GPHN: variants seen among roughly 807,000 people sequenced by gnomAD.
GPHN encodes gephyrin.
A neutral mutation model predicts 95.5 loss-of-function variants in GPHN; 17 were observed. The ratio of observed to expected loss-of-function variants is 0.18; its 90% CI spans 0.12 to 0.27. The LOEUF (loss-of-function observed/expected upper bound fraction) is 0.27, where lower values mean the gene tolerates loss of function less well. GPHN is among the 10% of genes least tolerant of loss of function. The pLI is 1.00. For missense variants in GPHN, 660 were observed against 978.1 expected, an observed-to-expected ratio of 0.67 and a Z score of 4.34; for synonymous variants, 320 against 322.5, an observed-to-expected ratio of 0.99 and a Z score of 0.08.
chr14:67,343,966 C>T, the GPHN span, among the ~76,000 whole-genome samples: 1 of 152,182 alleles, frequency 6.6e-6, no homozygotes, highest in East Asian at 1.9e-4. Flanking sequence ...AATTAACCTG[C>T]CTGGGCAGAT....
chr14:67,392,569 C>CT, the GPHN span: 2 of 1,295,370 alleles, frequency 1.5e-6, no homozygotes, highest in Non-Finnish European at 2.2e-6. Flanking sequence ...AGCCCAAGGT[C>CT]TCCTCCCATG....
intron 6 of GPHN, among the ~76,000 whole-genome samples, chr14:66,917,305 G>A (rs2065963330): frequency 6.6e-6 from 1 of 152,172 alleles, no homozygotes; most frequent in South Asian, 2.1e-4. Context: ...CTCCCAGAAT[G>A]ATGCTACTCA....
At chr14:67,729,233 G>A in the GPHN span, 67 of 1,610,986 alleles carry the variant, frequency 4.2e-5, no homozygotes, top group Admixed American at 5.5e-4. Context: ...GGCGTCGTCC[G>A]CTCTGAGCTG....
chr14:67,439,373 ACTTCT>A, the GPHN span, among the ~76,000 whole-genome samples: 7 of 152,180 alleles, frequency 4.6e-5, no homozygotes, highest in Non-Finnish European at 1.0e-4. Context: ...TGCAGTAGAC[ACTTCT>A]CTTCTCTCAG....
the GPHN span, among the ~76,000 whole-genome samples, chr14:67,478,920 A>G: frequency 5.3e-5 from 8 of 152,362 alleles, no homozygotes; most frequent in East Asian, 1.3e-3. Context: ...AGAAAAAAGC[A>G]GGATTCAAAA....
At chr14:66,653,995 T>A (rs1034968396) in intron 1 of GPHN, among the ~76,000 whole-genome samples, 1 of 152,216 alleles carries the variant, frequency 6.6e-6, no homozygotes, top group Non-Finnish European at 1.5e-5. Context: ...AAATAACTGC[T>A]AAAATGTATG....
At chr14:67,674,631 G>A in the GPHN span, 1 of 591,340 alleles carries the variant, frequency 1.7e-6, no homozygotes, top group Non-Finnish European at 2.7e-6. Context: ...TTCCGGAGCC[G>A]CGGCAGGGTC....
At chr14:67,611,342 C>T in the GPHN span, among the ~76,000 whole-genome samples, 10 of 152,054 alleles carry the variant, frequency 6.6e-5, no homozygotes, top group Non-Finnish European at 1.3e-4. Context: ...CTTACTGCAA[C>T]CTCCACCTCC....
At chr14:67,317,085 A>G in the GPHN span, among the ~76,000 whole-genome samples, 3 of 152,252 alleles carry the variant, frequency 2.0e-5, no homozygotes, top group Admixed American at 2.0e-4. Flanking sequence ...TTATCTGTCT[A>G]TACTGTGTAG....
the GPHN span, among the ~76,000 whole-genome samples, chr14:67,298,932 G>A: frequency 6.6e-6 from 1 of 152,122 alleles, no homozygotes; most frequent in Non-Finnish European, 1.5e-5. Flanking sequence ...GACAATAGGT[G>A]GTCTTTTCTG....
chr14:67,165,267 A>G (rs780830625), intron 20 of GPHN, 41 bp downstream of exon 20: 78 of 1,440,244 alleles, frequency 5.4e-5, no homozygotes. Flanking sequence ...TTCTGGAAAA[A>G]TAGCCAAAAT....
At chr14:67,342,477 C>T in the GPHN span, among the ~76,000 whole-genome samples, 1 of 150,132 alleles carries the variant, frequency 6.7e-6, no homozygotes, top group African/African-American at 2.4e-5. Context: ...ATTGAGTTTA[C>T]GTCATTAGGC....
chr14:66,741,640 T>C (rs1427943170), intron 2 of GPHN, among the ~76,000 whole-genome samples: 6 of 152,208 alleles, frequency 3.9e-5, no homozygotes, highest in African/African-American at 7.2e-5. Context: ...ATTTTATCAC[T>C]GTCTTATGTT....
the GPHN span, chr14:67,733,877 C>G: frequency 4.6e-6 from 7 of 1,514,132 alleles, no homozygotes; most frequent in Non-Finnish European, 6.4e-6. Context: ...CTTTATCAGG[C>G]CCAATCCATG....
chr14:67,722,279 C>T, the GPHN span: 1 of 364,312 alleles, frequency 2.7e-6, no homozygotes, highest in Non-Finnish European at 5.3e-6. Flanking sequence ...GTAGAGGTGG[C>T]AGTGGTTGGG....
chr14:67,123,264 A>G (rs1475468269), intron 17 of GPHN, among the ~76,000 whole-genome samples: 2 of 152,206 alleles, frequency 1.3e-5, no homozygotes, highest in South Asian at 2.1e-4. Flanking sequence ...TATGTTGAGT[A>G]CTTTCCCAAA....
At chr14:66,625,268 G>A (rs186233250) in intron 1 of GPHN, among the ~76,000 whole-genome samples, 4 of 151,992 alleles carry the variant, frequency 2.6e-5, no homozygotes, top group African/African-American at 4.8e-5. Flanking sequence ...TAGAGACAGG[G>A]TCTCACTATG....
At chr14:67,697,301 CTTAT>C in the GPHN span, among the ~76,000 whole-genome samples, 1 of 152,122 alleles carries the variant, frequency 6.6e-6, no homozygotes. Context: ...TCAGGAGAGG[CTTAT>C]TTGAGGAAAT....
chr14:67,690,829 G>A, the GPHN span: 1 of 380,278 alleles, frequency 2.6e-6, no homozygotes. Context: ...CAAAAAAAGA[G>A]CAGATGACCT....
Sources: allele counts gnomAD v4.1 joint callset (sites outside exome capture counted in the v4.1 genomes callset), GRCh38; gene constraint gnomAD v4.1.1; transcripts MANE v1.5; gene names NCBI Gene and HGNC (gene_info 2026-07-23, HGNC 2026-07-21).